Variants in DOT1L observed in about 807,000 individuals in gnomAD.
DOT1L encodes the protein histone-lysine N-methyltransferase, H3 lysine-79 specific.
Under a neutral mutation model 153.3 loss-of-function variants are expected in DOT1L, and 33 were observed. That is an observed-to-expected ratio of 0.22 (90% CI 0.16 to 0.29). The LOEUF is 0.29. Among genes scored for constraint, DOT1L ranks in the 10% least tolerant of loss-of-function variants. The pLI is 1.00. For missense variants in DOT1L, 1,847 were observed against 2,119.9 expected (o/e 0.87, Z 2.53); for synonymous variants, 1,135 against 965.1 (o/e 1.18, Z -3.26).
At position 2,208,856 on chromosome 19, in the gene DOT1L, G is replaced by C; in HGVS notation, c.964-79G>C. 1 of 1,464,528 alleles carries C rather than the reference G, an allele frequency of 6.8e-7. No individual in the cohort carries two copies. Among genetic ancestry groups the C allele is most frequent in the Non-Finnish European group, 9.4e-7 (1 of 1,059,840 alleles). The allele number at this position is 1,464,528 out of a possible 1,614,324, so 90.7% of individuals were successfully genotyped here. ...CTCCCCAGCCACTGTCCAGGTTGCT[G>C]TTGTTACCTGGGTGTCCAGACAAAT... On this transcript the variant is annotated intron_variant, in intron 11 of 27. Transcript: ENST00000398665. The surrounding 1 kb of genome is among the most constrained non-coding windows in gnomAD (Gnocchi z 4.4).
intron 1 of DOT1L, among the ~76,000 whole-genome samples, chr19:2,169,102 C>G (rs1366699751): frequency 6.6e-6 from 1 of 152,116 alleles, no homozygotes; most frequent in Non-Finnish European, 1.5e-5. Context: ...CTCTCTGACT[C>G]TCATTAATGA....
intron 19 of DOT1L, among the ~76,000 whole-genome samples, chr19:2,215,133 C>T (rs1044357906): frequency 6.6e-6 from 1 of 152,068 alleles, no homozygotes; most frequent in East Asian, 1.9e-4. Context: ...GGAGTTCTGG[C>T]TCCCAGGATG....
Position 2,226,295 on chromosome 19 carries a change from C to T in DOT1L, c.3774C>T (p.Asp1258=). Residue 1258 remains aspartate (D), a synonymous_variant, in exon 27 of 28, where the codon GAC becomes GAT. Transcript: ENST00000398665. ...ACATCGGCCTGGCCAAGTCGGCGGA[C>T]AGCCCGCTGCAGGCCAGCTCCGCCC... ...ISDIGLAKSA[D]SPLQASSALS... 1 of 1,596,576 alleles carries T rather than the reference C, an allele frequency of 6.3e-7. No homozygotes were observed. Among genetic ancestry groups the T allele is most frequent in the South Asian group, 1.1e-5 (1 of 88,760 alleles).
intron 20 of DOT1L, 58 bp from the exon 21 acceptor site, chr19:2,216,897 C>T (rs1599604494): frequency 6.4e-6 from 10 of 1,571,426 alleles, no homozygotes; most frequent in South Asian, 3.5e-5. Context: ...TGGGCCAGGC[C>T]GCTGCCTCTG....
chr19:2,187,746 C>T (rs933497192), intron 3 of DOT1L, among the ~76,000 whole-genome samples: 48 of 152,192 alleles, frequency 3.2e-4, no homozygotes, highest in South Asian at 8.3e-4. Flanking sequence ...CACAGTGAAA[C>T]CCCGTCTCTA....
chr19:2,169,160 G>T (rs571633807), intron 1 of DOT1L, among the ~76,000 whole-genome samples: 1 of 152,222 alleles, frequency 6.6e-6, no homozygotes, highest in Non-Finnish European at 1.5e-5. Context: ...CCGGCTGTGG[G>T]CGGCGGTGAG....
At chr19:2,227,653 C>T in intron 27 of DOT1L, 1 of 1,260,352 alleles carries the variant, frequency 7.9e-7, no homozygotes, top group Non-Finnish European at 1.0e-6. Flanking sequence ...TTTCGCTTCC[C>T]TTTTTGTGAG....
rs746937735 is a variant in DOT1L at position 2,216,664 on chromosome 19, C to T, written c.2307C>T (p.Pro769=). ...RLEKLSGLAA[P]DYTRLSPAKI... is the part of the protein sequence containing the mutation. The stretch of plus-strand genomic sequence containing the variant: ...AGAAGCTGTCTGGCCTAGCCGCACC[C>T]GACTACACTAGGCTGTCCCCGGCCA... The change falls in exon 20 of 28, where the codon CCC becomes CCT. Residue 769 remains proline (P), a synonymous_variant. Coordinates refer to ENST00000398665, the MANE Select transcript of DOT1L (RefSeq NM_032482.3). 26 of 1,604,532 alleles carry T rather than the reference C, an allele frequency of 1.6e-5. No individual in the cohort carries two copies. Among genetic ancestry groups the T allele is most frequent in the East Asian group, 1.1e-4 (5 of 44,868 alleles).
At position 2,223,462 on chromosome 19, in the gene DOT1L, C is replaced by A; in HGVS notation, c.3572C>A (p.Ser1191Tyr). 1 of 1,611,950 alleles carries A rather than the reference C, an allele frequency of 6.2e-7. No homozygotes were observed. The highest frequency in any genetic ancestry group is 8.5e-7 in the Non-Finnish European group (1 of 1,179,688). Residue 1191 changes from serine to tyrosine, a missense_variant, in exon 25 of 28, where the codon TCT (serine) becomes TAT (tyrosine). This residue lies in a region of DOT1L where 934 missense variants were observed against 825.3 expected (regional missense o/e 1.13). Transcript: ENST00000398665. ...SPLTSDEEPGSEDEPSSARIE... is the reference protein window; with the variant it reads ...SPLTSDEEPGYEDEPSSARIE... Reference sequence around the variant, plus strand: ...CTCACCTCAGACGAGGAGCCAGGCTCTGAGGACGAGCCCAGCAGTGCTCGG... The same window carrying A: ...CTCACCTCAGACGAGGAGCCAGGCTATGAGGACGAGCCCAGCAGTGCTCGG...
chr19:2,221,047 G>A (rs1285457679), intron 23 of DOT1L: 1 of 164,106 alleles, frequency 6.1e-6, no homozygotes, highest in Non-Finnish European at 1.3e-5. Context: ...TGTGGTGGCA[G>A]ACGCCTGTAA....
At chr19:2,192,745 G>A (rs866323475) in intron 5 of DOT1L, among the ~76,000 whole-genome samples, 1 of 152,098 alleles carries the variant, frequency 6.6e-6, no homozygotes. Flanking sequence ...CCAATGCTTT[G>A]GAAGGCTGAG....
intron 12 of DOT1L, among the ~76,000 whole-genome samples, chr19:2,210,122 T>G (rs1039624672): frequency 1.3e-5 from 2 of 152,208 alleles, no homozygotes; most frequent in African/African-American, 2.4e-5. Flanking sequence ...TTTTTCTCTG[T>G]GGCTCACAGT....
At chr19:2,164,892 G>T (rs1012276647) in intron 1 of DOT1L, among the ~76,000 whole-genome samples, 4 of 152,200 alleles carry the variant, frequency 2.6e-5, no homozygotes, top group African/African-American at 9.7e-5. Flanking sequence ...TAGTTGGTTG[G>T]GGACAGGCTT....
intron 1 of DOT1L, among the ~76,000 whole-genome samples, chr19:2,175,527 T>C (rs1204427789): frequency 1.3e-5 from 2 of 152,310 alleles, no homozygotes; most frequent in African/African-American, 4.8e-5. Flanking sequence ...CATTTTATCA[T>C]GTAATTAAAA....
In DOT1L at chr19:2,220,817, C is replaced by T; in HGVS notation, c.2806+595C>T. The T allele has an allele frequency of 3.2e-6, 1 of 310,320 alleles. No homozygotes were observed. Among genetic ancestry groups the T allele is most frequent in the Non-Finnish European group, 6.4e-6 (1 of 156,458 alleles). 19.2% of individuals were successfully genotyped at this position (310,320 alleles called of 1,614,324 possible). ...AAAACAGCAGAGGACATGAGACCCC[C>T]AGGCTGGTTTGCTGGCCCCAGGTTG... On this transcript the variant is annotated intron_variant, in intron 23 of 27. Transcript: ENST00000398665. This position sits in a 1 kb window ranked among gnomAD's most constrained non-coding sequence, Gnocchi z 4.5.
intron 1 of DOT1L, 110 bp from the exon 2 acceptor site, chr19:2,180,603 T>C: frequency 7.4e-7 from 1 of 1,344,552 alleles, no homozygotes; most frequent in Non-Finnish European, 1.0e-6. Context: ...GCTGCACCAG[T>C]TGGGAAATGA....
At position 2,199,869 on chromosome 19, in the gene DOT1L, T is replaced by A. The variant is rs2023175066; in HGVS notation, c.652-15T>A. ...GAGGCCGGGGGTCCGCGCTCACACC[T>A]GTTTTCCCTTTCAGTTGGAGAGAGG... On this transcript the variant is annotated splice_polypyrimidine_tract_variant and intron_variant, in intron 7 of 27. Transcript: ENST00000398665. The A allele has an allele frequency of 1.2e-6, 2 of 1,613,318 alleles. No homozygotes were observed. Among genetic ancestry groups the A allele is most frequent in the South Asian group, 1.1e-5 (1 of 91,048 alleles).
intron 1 of DOT1L, among the ~76,000 whole-genome samples, chr19:2,175,035 G>C (rs2021857139): frequency 6.9e-6 from 1 of 144,738 alleles, no homozygotes; most frequent in African/African-American, 2.6e-5. Context: ...GTCTTGCTCT[G>C]TTGCCCAGGC....
chr19:2,229,930 G>T lies in DOT1L; in HGVS notation c.*138G>T. 4 of 1,478,982 alleles carry T rather than the reference G, an allele frequency of 2.7e-6. No individual in the cohort carries two copies. In the South Asian group the frequency reaches 3.4e-5, roughly 13 times the overall value. 91.6% of individuals were successfully genotyped at this position (1,478,982 alleles called of 1,614,324 possible). A position where few individuals can be genotyped will look rare whatever the true frequency, so the allele number is the denominator to read the frequency against. On this transcript the variant is annotated 3_prime_UTR_variant, in exon 28 of 28. Coordinates refer to ENST00000398665, the MANE Select transcript of DOT1L (RefSeq NM_032482.3). The stretch of plus-strand genomic sequence containing the variant: ...ACGGACGGGAGCTCCACTGTGAATC[G>T]GCGGCACGCGCCGCAGGAGGCTGGG...
Sources: gnomAD v4.1 joint callset for allele counts (sites outside exome capture counted in the v4.1 genomes callset) on GRCh38, gnomAD v4.1.1 for gene constraint, gnomAD v4.1.1 regional missense constraint, Gnocchi (gnomAD v3.1) non-coding constraint, MANE v1.5 for transcripts, NCBI Gene and HGNC (gene_info 2026-07-23, HGNC 2026-07-21) for gene names.